The following RUBCN variants were observed in gnomAD, a reference collection of about 807,000 sequenced individuals.
The protein encoded by RUBCN is run domain Beclin-1-interacting and cysteine-rich domain-containing protein.
In RUBCN, 74 loss-of-function variants were observed where a neutral mutation model predicts 113.2. The observed-to-expected ratio is 0.65, with a 90% CI of 0.54 to 0.79. RUBCN has a LOEUF of 0.79. Among genes scored for constraint, RUBCN ranks in the 30% least tolerant of loss-of-function variants. The pLI is 0.00. For missense variants in RUBCN, 1,109 were observed against 1,251.7 expected, an observed-to-expected ratio of 0.89 and a Z score of 1.72; for synonymous variants, 480 against 490.0, an observed-to-expected ratio of 0.98 and a Z score of 0.27.
chr3:197,692,944 C>T (rs1027672035), intron 11 of RUBCN, among the ~76,000 whole-genome samples: 1 of 152,212 alleles, frequency 6.6e-6, no homozygotes, highest in African/African-American at 2.4e-5. Flanking sequence ...TCACCTCTGT[C>T]TACATACACA....
intron 1 of RUBCN, among the ~76,000 whole-genome samples, chr3:197,742,908 A>T (rs1349879180): frequency 6.6e-6 from 1 of 152,244 alleles, no homozygotes; most frequent in Non-Finnish European, 1.5e-5. Flanking sequence ...TAGCTTTGGA[A>T]AATGCCACAG....
rs759920619 is a variant in RUBCN at position 197,675,054 on chromosome 3, C to T, written c.2883G>A (p.Ala961=). ...CCAGGACGGCGGCTTCCAGGGCCAG[C>T]GCTTCCGCGGGCTCCTCCTCGTAGT... ...LSDYEEEPAE[A]LALEAAVLEA... The change falls in exon 20 of 20, where the codon GCG becomes GCA. Residue 961 remains alanine (A), a synonymous_variant. Transcript: ENST00000296343. This position sits in a 1 kb window ranked among gnomAD's most constrained non-coding sequence, Gnocchi z 4.4. 3.1e-5 allele frequency: 50 copies of T among 1,612,892 alleles called. No homozygotes were observed. The highest frequency in any genetic ancestry group is 1.0e-4 in the Admixed American group (6 of 60,004).
chr3:197,693,943 G>A, intron 10 of RUBCN, 127 bp from the exon 11 acceptor site: 1 of 713,834 alleles, frequency 1.4e-6, no homozygotes, highest in Non-Finnish European at 2.5e-6. Flanking sequence ...CCTTTAGAAA[G>A]TTTCAAGTAA....
intron 11 of RUBCN, 100 bp downstream of exon 11, chr3:197,693,615 A>C: frequency 2.4e-6 from 2 of 837,792 alleles, no homozygotes; most frequent in South Asian, 2.8e-5. Context: ...ACAACAATCC[A>C]TAATGAAGAT....
chr3:197,675,329 G>C lies in RUBCN; in HGVS notation c.2740+93C>G. On this transcript the variant is annotated intron_variant, in intron 19 of 19. Transcript: ENST00000296343. The surrounding 1 kb of genome is among the most constrained non-coding windows in gnomAD (Gnocchi z 4.4). ...CTGGGGAGGCCCCGCGAGGTGCTGA[G>C]TGGCACCGAACTCTTGCTAACAGGG... 6.7e-7 allele frequency: 1 copy of C among 1,497,364 alleles called. No individual in the cohort carries two copies. Among genetic ancestry groups the C allele is most frequent in the Non-Finnish European group, 9.3e-7 (1 of 1,076,128 alleles). The allele number at this position is 1,497,364 out of a possible 1,614,324, so 92.8% of individuals were successfully genotyped here.
chr3:197,698,829 CAAAAAA>C (rs113975138), intron 7 of RUBCN, among the ~76,000 whole-genome samples: 1 of 31,114 alleles, frequency 3.2e-5, no homozygotes, highest in Non-Finnish European at 7.2e-5. Flanking sequence ...CCTGTCTCTA[CAAAAAA>C]AAAAAAAAAA....
rs376229743 is a variant in RUBCN, at chr3:197,697,057, C to G, written c.1262-8G>C. 7.0e-7 allele frequency: 1 copy of G among 1,435,846 alleles called. No homozygotes were observed. Among genetic ancestry groups the G allele is most frequent in the Non-Finnish European group, 9.8e-7 (1 of 1,017,724 alleles). 88.9% of individuals were successfully genotyped at this position (1,435,846 alleles called of 1,614,324 possible). ...CCTTATCATTGCAGGATTCTAATGA[C>G]GATGACCACCAGCGAGTAAAAACAC... On this transcript the variant is annotated splice_polypyrimidine_tract_variant and splice_region_variant and intron_variant, in intron 7 of 19. Coordinates refer to ENST00000296343, the MANE Select transcript of RUBCN (RefSeq NM_014687.4).
At chr3:197,698,557 G>A (rs577060255) in intron 7 of RUBCN, among the ~76,000 whole-genome samples, 2 of 151,566 alleles carry the variant, frequency 1.3e-5, no homozygotes, top group Non-Finnish European at 2.9e-5. Context: ...AAACGGAACT[G>A]CAGGAGAGGG....
At chr3:197,727,688 CAAA>C (rs1401062583) in intron 1 of RUBCN, among the ~76,000 whole-genome samples, 1 of 152,158 alleles carries the variant, frequency 6.6e-6, no homozygotes, top group Non-Finnish European at 1.5e-5. Context: ...AGGACTTCCT[CAAA>C]TACTGGATAT....
chr3:197,704,440 A>G lies in RUBCN; in HGVS notation c.463+102T>C, dbSNP rs548715110. 9.1e-5 allele frequency: 109 copies of G among 1,197,190 alleles called. No individual in the cohort carries two copies. In the African/African-American group the frequency reaches 1.5e-3, roughly 16 times the overall value. The allele number at this position is 1,197,190 out of a possible 1,614,324, so 74.2% of individuals were successfully genotyped here. A position where few individuals can be genotyped will look rare whatever the true frequency, so the allele number is the denominator to read the frequency against. ...CAAGAGCGTAAGTCCATCTCAAAGA[A>G]AAAAAGAAAAATAGGAGGCCCTGGT... On this transcript the variant is annotated intron_variant, in intron 4 of 19. Transcript: ENST00000296343.
chr3:197,700,879 G>A lies in RUBCN; in HGVS notation c.995C>T (p.Pro332Leu). The change falls in exon 7 of 20, where the codon CCC becomes CTC. Residue 332 changes from proline to leucine, a missense_variant. By Grantham distance (98) the Pro-to-Leu change is moderately conservative. This residue lies in a region of RUBCN where 736 missense variants were observed against 779.6 expected (regional missense o/e 0.94). Transcript: ENST00000296343. ...CTGACAGCTGGCAGTCCGGCCTCGG[G>A]GGTCCAAGTTGCCAATGGCCAGGTA... ...PEYLAIGNLD[P>L]RGRTASCQSH... 2 of 1,614,170 alleles carry A rather than the reference G, an allele frequency of 1.2e-6. No individual in the cohort carries two copies. Among genetic ancestry groups the A allele is most frequent in the Non-Finnish European group, 1.7e-6 (2 of 1,180,034 alleles).
At position 197,694,243 on chromosome 3, in the gene RUBCN, T is replaced by G. The variant is rs1267607524; in HGVS notation, c.1684+132A>C. 8.2e-6 allele frequency: 7 copies of G among 856,528 alleles called. No individual in the cohort carries two copies. In the East Asian group the frequency reaches 1.7e-4, roughly 21 times the overall value. 53.1% of individuals were successfully genotyped at this position (856,528 alleles called of 1,614,324 possible). A position where few individuals can be genotyped will look rare whatever the true frequency, so the allele number is the denominator to read the frequency against. Reference sequence around the variant, plus strand: ...AACGGAGCGACTCTAGGATGAGTATTCCTAGCATGATAGAAAAAAAGTAGG... The same window carrying G: ...AACGGAGCGACTCTAGGATGAGTATGCCTAGCATGATAGAAAAAAAGTAGG... On this transcript the variant is annotated intron_variant, in intron 10 of 19. Transcript: ENST00000296343.
intron 11 of RUBCN, among the ~76,000 whole-genome samples, chr3:197,688,608 A>T (rs1385859826): frequency 6.6e-6 from 1 of 152,268 alleles, no homozygotes; most frequent in Non-Finnish European, 1.5e-5. Flanking sequence ...AAGGAAGATA[A>T]AGAAAAATTG....
intron 1 of RUBCN, among the ~76,000 whole-genome samples, chr3:197,723,119 G>A (rs1286579502): frequency 6.6e-6 from 1 of 152,000 alleles, no homozygotes. Context: ...TTTTTGCTTT[G>A]TAGTCAGCAT....
intron 7 of RUBCN, 36 bp from the exon 8 acceptor site, chr3:197,697,085 AC>A: frequency 1.9e-6 from 2 of 1,035,502 alleles, no homozygotes; most frequent in Non-Finnish European, 3.1e-6. Context: ...AAAAACACAT[AC>A]GAAATGAGCA....
intron 13 of RUBCN, 22 bp from the exon 14 acceptor site, chr3:197,682,637 G>C (rs1030093264): frequency 6.2e-7 from 1 of 1,601,994 alleles, no homozygotes; most frequent in African/African-American, 1.4e-5. Context: ...AAGCACAGTT[G>C]GGGTAAGCTC....
rs1460695584 is a variant in RUBCN at position 197,730,301 on chromosome 3, T to C, written c.65+6354A>G. Among the ~76,000 whole-genome samples, 7 of 152,134 alleles carry C rather than the reference T, an allele frequency of 4.6e-5. No individual in the cohort carries two copies. The East Asian group carries it at 9.6e-4, about 21-fold the overall frequency. ...ATAACTTAGGCCTGACTAAGCAGAA[T>C]AGCCCATACCCCGACCACAAGAACA... On this transcript the variant is annotated intron_variant, in intron 1 of 19. Coordinates refer to ENST00000296343, the MANE Select transcript of RUBCN (RefSeq NM_014687.4).
At chr3:197,716,857 A>G (rs1390593017) in intron 2 of RUBCN, among the ~76,000 whole-genome samples, 1 of 152,156 alleles carries the variant, frequency 6.6e-6, no homozygotes, top group Non-Finnish European at 1.5e-5. Flanking sequence ...ACGGTGGCTC[A>G]TGTCTATAAT....
At chr3:197,723,321 A>G (rs1260437684) in intron 1 of RUBCN, among the ~76,000 whole-genome samples, 1 of 151,996 alleles carries the variant, frequency 6.6e-6, no homozygotes, top group Non-Finnish European at 1.5e-5. Flanking sequence ...TTGGAATTAG[A>G]GTTACAGGCA....
Sources: gnomAD v4.1 joint callset for allele counts (sites outside exome capture counted in the v4.1 genomes callset) on GRCh38, gnomAD v4.1.1 for gene constraint, gnomAD v4.1.1 regional missense constraint, Gnocchi (gnomAD v3.1) non-coding constraint, MANE v1.5 for transcripts, NCBI Gene and HGNC (gene_info 2026-07-23, HGNC 2026-07-21) for gene names.